Variants in PBX1 observed in about 807,000 individuals in gnomAD.
PBX1 encodes PBX homeobox 1.
In PBX1, 6 loss-of-function variants were observed where a neutral mutation model predicts 53.4. That is an observed-to-expected ratio of 0.11 (90% CI 0.06 to 0.22). The LOEUF is 0.22. Among genes scored for constraint, PBX1 ranks in the 10% least tolerant of loss-of-function variants. The probability of loss-of-function intolerance (pLI) is 1.00; values close to 1 mark genes in which losing one functional copy is unlikely to be tolerated. For synonymous variants in PBX1, 204 were observed against 212.3 expected (o/e 0.96, Z 0.34); for missense variants, 251 against 551.4 (o/e 0.46, Z 5.46).
At chr1:164,764,709 G>T (rs1457427480) in intron 2 of PBX1, among the ~76,000 whole-genome samples, 1 of 152,028 alleles carries the variant, frequency 6.6e-6, no homozygotes, top group African/African-American at 2.4e-5. Flanking sequence ...CACCTACATG[G>T]AAAAAGACTA....
At chr1:164,617,972 C>A (rs1253165825) in intron 2 of PBX1, among the ~76,000 whole-genome samples, 8 of 152,242 alleles carry the variant, frequency 5.3e-5, no homozygotes, top group African/African-American at 1.9e-4. Context: ...TCAGTAACAT[C>A]TCAGGGATTA....
chr1:164,652,933 G>A (rs147453534), intron 2 of PBX1, among the ~76,000 whole-genome samples: 48 of 150,854 alleles, frequency 3.2e-4, no homozygotes, highest in Non-Finnish European at 5.9e-4. Flanking sequence ...GCAGTGGTGC[G>A]ACCTTGGCTT....
At chr1:164,665,792 GT>G (rs1175563905) in intron 2 of PBX1, among the ~76,000 whole-genome samples, 9 of 152,168 alleles carry the variant, frequency 5.9e-5, no homozygotes, top group African/African-American at 2.2e-4. Flanking sequence ...TACATAGCTT[GT>G]CATCGTGGAT....
intron 2 of PBX1, among the ~76,000 whole-genome samples, chr1:164,636,870 G>A (rs1658816200): frequency 6.6e-6 from 1 of 152,162 alleles, no homozygotes; most frequent in Admixed American, 6.5e-5. Context: ...TGTGGTTTGT[G>A]TGTGTTTATG....
intron 2 of PBX1, among the ~76,000 whole-genome samples, chr1:164,601,552 C>T (rs1011605546): frequency 9.9e-5 from 15 of 152,126 alleles, no homozygotes; most frequent in Non-Finnish European, 1.6e-4. Flanking sequence ...GTGCCCTTTT[C>T]TGGAGGAGGT....
chr1:164,651,930 GGTGTGT>G (rs57772161), intron 2 of PBX1: 3,078 of 144,146 alleles, frequency 0.021, 42 homozygotes, highest in Non-Finnish European at 0.028. Flanking sequence ...ATGGAGGGAG[GGTGTGT>G]GTGTGTGTGT....
At chr1:164,825,041 C>T (rs538137573) in intron 8 of PBX1, among the ~76,000 whole-genome samples, 13 of 152,314 alleles carry the variant, frequency 8.5e-5, no homozygotes, top group African/African-American at 3.1e-4. Context: ...GGGTCTCTTA[C>T]ATCTGGGCCC....
chr1:164,806,375 G>A (rs1168178020), intron 4 of PBX1, among the ~76,000 whole-genome samples: 1 of 152,106 alleles, frequency 6.6e-6, no homozygotes, highest in Non-Finnish European at 1.5e-5. Flanking sequence ...TTACCATTTA[G>A]CAGCTGTTCT....
At chr1:164,586,028 G>C (rs891704925) in intron 2 of PBX1, among the ~76,000 whole-genome samples, 7 of 152,110 alleles carry the variant, frequency 4.6e-5, no homozygotes, top group Admixed American at 1.3e-4. Context: ...AAAGAGAGAA[G>C]AACAACTGGG....
chr1:164,858,699 G>T (rs1358476072), intron 2 of PBX1, among the ~76,000 whole-genome samples: 2 of 152,124 alleles, frequency 1.3e-5, no homozygotes, highest in Admixed American at 1.3e-4. Flanking sequence ...ATGAAGAATT[G>T]CAAAGCAAAC....
At chr1:164,844,809 T>G (rs1671487181) in intron 8 of PBX1, among the ~76,000 whole-genome samples, 1 of 152,202 alleles carries the variant, frequency 6.6e-6, no homozygotes, top group South Asian at 2.1e-4. Flanking sequence ...CTGGTTATAC[T>G]ACAGAGTCTT....
At chr1:164,739,959 A>G (rs560891273) in intron 2 of PBX1, among the ~76,000 whole-genome samples, 4 of 152,282 alleles carry the variant, frequency 2.6e-5, no homozygotes, top group African/African-American at 9.6e-5. Context: ...ATGAAAATAC[A>G]CCTAATGGAA....
rs570710236 is a variant in PBX1, at chr1:164,811,919, C to CT, written c.838-63dup. On this transcript the variant is annotated intron_variant, in intron 5 of 8. Transcript: ENST00000420696. ...TACCTCTTCACCTCTCCCATAAAGC[C>CT]TTTTTTTTCTTCTGCAATGTTTCTG... is the stretch of plus-strand genomic sequence containing the variant. The CT allele has an allele frequency of 3.1e-4, 428 of 1,367,594 alleles. No homozygotes were observed. The African/African-American group carries it at 4.9e-3, about 16-fold the overall frequency. 84.7% of individuals were successfully genotyped at this position (1,367,594 alleles called of 1,614,324 possible). A position where few individuals can be genotyped will look rare whatever the true frequency, so the allele number is the denominator to read the frequency against.
intron 2 of PBX1, among the ~76,000 whole-genome samples, chr1:164,672,037 G>GTT (rs35765268): frequency 0.013 from 1,896 of 142,206 alleles, 23 homozygotes; most frequent in South Asian, 0.028. Flanking sequence ...TTTTCTTTCT[G>GTT]TTTTTTTTTT....
At chr1:164,647,877 C>G (rs1024262882) in intron 2 of PBX1, among the ~76,000 whole-genome samples, 1 of 149,506 alleles carries the variant, frequency 6.7e-6, no homozygotes, top group Non-Finnish European at 1.5e-5. Flanking sequence ...TGCGGTGGCG[C>G]GATCTCGGCT....
At chr1:164,712,915 T>C (rs956466111) in intron 2 of PBX1, among the ~76,000 whole-genome samples, 15 of 152,184 alleles carry the variant, frequency 9.9e-5, no homozygotes, top group African/African-American at 3.4e-4. Flanking sequence ...TCTAAATCCA[T>C]TTTGCCTGGA....
At chr1:164,752,835 G>T (rs1666309352) in intron 2 of PBX1, among the ~76,000 whole-genome samples, 1 of 152,152 alleles carries the variant, frequency 6.6e-6, no homozygotes. Flanking sequence ...AAGTCCTTGT[G>T]TACCATTCCA....
intron 2 of PBX1, among the ~76,000 whole-genome samples, chr1:164,781,372 C>T (rs1158475828): frequency 6.6e-6 from 1 of 152,090 alleles, no homozygotes; most frequent in Non-Finnish European, 1.5e-5. Flanking sequence ...ACAAATTGAG[C>T]AGGCTGGTTA....
At chr1:164,681,116 G>A (rs1053592487) in intron 2 of PBX1, among the ~76,000 whole-genome samples, 8 of 151,696 alleles carry the variant, frequency 5.3e-5, no homozygotes, top group African/African-American at 9.7e-5. Flanking sequence ...TGATGGGAGC[G>A]TGCCTGTAGT....
Sources: allele counts gnomAD v4.1 joint callset (sites outside exome capture counted in the v4.1 genomes callset), GRCh38; gene constraint gnomAD v4.1.1; transcripts MANE v1.5; gene names NCBI Gene and HGNC (gene_info 2026-07-23, HGNC 2026-07-21).